Variants in NTNG1 observed in about 807,000 individuals in gnomAD.
NTNG1 encodes the protein netrin G1, also known as netrin-G1.
NTNG1 carries 16 observed loss-of-function variants against 54.0 expected under a neutral mutation model. The observed-to-expected ratio is 0.30, with a 90% CI of 0.20 to 0.45. The LOEUF is 0.45. Ranked by LOEUF, NTNG1 falls within the 20% of genes least tolerant of loss-of-function variation. The probability of loss-of-function intolerance (pLI) is 1.00; values close to 1 mark genes in which losing one functional copy is unlikely to be tolerated. For synonymous variants in NTNG1, 255 were observed against 263.1 expected, an observed-to-expected ratio of 0.97 and a Z score of 0.30; for missense variants, 530 against 678.7, an observed-to-expected ratio of 0.78 and a Z score of 2.43.
At chr1:107,421,265 A>G (rs1674558757) in intron 5 of NTNG1, 1 of 658,602 alleles carries the variant, frequency 1.5e-6, no homozygotes, top group Non-Finnish European at 2.7e-6. Context: ...CATGTTGACT[A>G]ATATCAATCA....
chr1:107,266,491 T>C (rs1003387386), intron 2 of NTNG1, among the ~76,000 whole-genome samples: 1 of 152,012 alleles, frequency 6.6e-6, no homozygotes. Context: ...GAAGTCACCA[T>C]CATGAAAGCA....
chr1:107,321,830 G>A (rs1300197342), intron 2 of NTNG1, among the ~76,000 whole-genome samples: 1 of 152,008 alleles, frequency 6.6e-6, no homozygotes, highest in Non-Finnish European at 1.5e-5. Flanking sequence ...CTACAACAGA[G>A]GGAACTCCAG....
intron 2 of NTNG1, among the ~76,000 whole-genome samples, chr1:107,249,658 T>C (rs1662456172): frequency 6.6e-6 from 1 of 152,166 alleles, no homozygotes; most frequent in Non-Finnish European, 1.5e-5. Flanking sequence ...ACATAAAATC[T>C]CTTTCTCTTA....
intron 2 of NTNG1, among the ~76,000 whole-genome samples, chr1:107,220,877 C>A (rs186980801): frequency 6.6e-6 from 1 of 152,122 alleles, no homozygotes; most frequent in Non-Finnish European, 1.5e-5. Context: ...TTTCCCTTAT[C>A]CCACCACTAA....
chr1:107,156,639 A>G (rs1290977171), intron 2 of NTNG1, among the ~76,000 whole-genome samples: 1 of 152,216 alleles, frequency 6.6e-6, no homozygotes, highest in Non-Finnish European at 1.5e-5. Context: ...AATGATTTCA[A>G]TGTTGTGTAT....
chr1:107,272,415 C>T (rs1664208925), intron 2 of NTNG1, among the ~76,000 whole-genome samples: 1 of 152,112 alleles, frequency 6.6e-6, no homozygotes. Flanking sequence ...CTCTGCTGGG[C>T]TAATCTAAGC....
intron 2 of NTNG1, among the ~76,000 whole-genome samples, chr1:107,252,337 T>C (rs1032255304): frequency 1.3e-5 from 2 of 152,208 alleles, no homozygotes; most frequent in African/African-American, 2.4e-5. Context: ...AATTTGGTGA[T>C]TCCTTCCTTT....
intron 2 of NTNG1, among the ~76,000 whole-genome samples, chr1:107,273,099 G>C (rs149403576): frequency 6.6e-6 from 1 of 152,274 alleles, no homozygotes; most frequent in Admixed American, 6.5e-5. Flanking sequence ...TATGAAGGCT[G>C]TCGATTTTTT....
intron 2 of NTNG1, among the ~76,000 whole-genome samples, chr1:107,282,006 G>A (rs953491807): frequency 6.6e-6 from 1 of 152,124 alleles, no homozygotes; most frequent in African/African-American, 2.4e-5. Context: ...GGCAGAGAAG[G>A]CATTGAATAA....
chr1:107,429,060 A>C, intron 5 of NTNG1, among the ~76,000 whole-genome samples: 1 of 151,538 alleles, frequency 6.6e-6, no homozygotes, highest in Non-Finnish European at 1.5e-5. Flanking sequence ...CCTCACACTC[A>C]CCCTTCTCTC....
intron 7 of NTNG1, among the ~76,000 whole-genome samples, chr1:107,439,277 C>CGTGTGTGGGTGTGTGTGT (rs1675806123): frequency 6.9e-6 from 1 of 145,784 alleles, no homozygotes; most frequent in Admixed American, 6.9e-5. Context: ...CCAGAACTTG[C>CGTGTGTGGGTGTGTGTGT]GTGTGTGTGT....
chr1:107,238,881 C>T (rs961203932), intron 2 of NTNG1, among the ~76,000 whole-genome samples: 1 of 151,570 alleles, frequency 6.6e-6, no homozygotes, highest in African/African-American at 2.4e-5. Context: ...TTCCATATTC[C>T]TGGCATTGTC....
intron 5 of NTNG1, chr1:107,418,448 T>G (rs1204517382): frequency 3.6e-6 from 2 of 551,922 alleles, no homozygotes; most frequent in Non-Finnish European, 6.4e-6. Context: ...GAGTCATGTT[T>G]TGTTTAAGTG....
intron 2 of NTNG1, among the ~76,000 whole-genome samples, chr1:107,159,826 C>G (rs1255946906): frequency 6.6e-6 from 1 of 152,140 alleles, no homozygotes; most frequent in Non-Finnish European, 1.5e-5. Context: ...ATACATATTA[C>G]GTGATGAGTG....
intron 2 of NTNG1, among the ~76,000 whole-genome samples, chr1:107,302,519 C>T (rs571538881): frequency 1.5e-4 from 23 of 151,730 alleles, no homozygotes; most frequent in Non-Finnish European, 2.6e-4. Context: ...TTTTACAATT[C>T]AATAAAATCA....
intron 5 of NTNG1, chr1:107,421,026 A>G (rs1674538497): frequency 2.5e-6 from 3 of 1,192,556 alleles, no homozygotes; most frequent in Non-Finnish European, 2.5e-6. Context: ...AAGTTATTAC[A>G]GTTTGAACGT....
chr1:107,191,966 C>A (rs4915024), intron 2 of NTNG1, among the ~76,000 whole-genome samples: 151,173 of 152,210 alleles, frequency 0.99, 75,081 homozygotes, highest in East Asian at 1. Context: ...TCTGTGAAGA[C>A]AGTCATTGGT....
At position 107,367,063 on chromosome 1, in the gene NTNG1, TTC is replaced by T. The variant is rs1456341331; in HGVS notation, c.888-28090_888-28089del. ...ACAAAGGAACAATGTCTTTTATCTG[TTC>T]GTGTGTGTGTGTGTGTGTGTGTGTG... On this transcript the variant is annotated intron_variant, in intron 3 of 7. Coordinates refer to ENST00000370068, the MANE Select transcript of NTNG1 (RefSeq NM_001113226.3). 1.6e-3 allele frequency among the ~76,000 whole-genome samples: 206 copies of T among 125,314 alleles called. 1 individual carries two copies. Among genetic ancestry groups the T allele is most frequent in the African/African-American group, 6.5e-3 (193 of 29,530 alleles). The allele number at this position is 125,314 out of a possible 152,430, so 82.2% of individuals were successfully genotyped here.
In NTNG1 at chr1:107,242,036, G is replaced by A. The variant is rs1389154172; in HGVS notation, c.247-82246G>A. Among the ~76,000 whole-genome samples, 19 of 152,298 alleles carry A rather than the reference G, an allele frequency of 1.2e-4. No homozygotes were observed. In the East Asian group the frequency reaches 3.7e-3, roughly 29 times the overall value. ...ACCTGTAATCCCAGCACTTTGGAAGGCCAAGTCAGGCAGATCGCTCAATGA... is the reference window on the plus strand; with the variant it reads ...ACCTGTAATCCCAGCACTTTGGAAGACCAAGTCAGGCAGATCGCTCAATGA... On this transcript the variant is annotated intron_variant, in intron 2 of 7. Coordinates refer to ENST00000370068, the MANE Select transcript of NTNG1 (RefSeq NM_001113226.3).
Sources: allele counts gnomAD v4.1 joint callset (sites outside exome capture counted in the v4.1 genomes callset), GRCh38; gene constraint gnomAD v4.1.1; transcripts MANE v1.5; gene names NCBI Gene and HGNC (gene_info 2026-07-23, HGNC 2026-07-21).